The following RIMS3 variants were observed in gnomAD, a reference collection of about 807,000 sequenced individuals.
RIMS3 encodes the protein regulating synaptic membrane exocytosis 3.
In RIMS3, 15 loss-of-function variants were observed where a neutral mutation model predicts 29.2. The observed-to-expected ratio is 0.51, with a 90% CI of 0.34 to 0.79. The LOEUF (loss-of-function observed/expected upper bound fraction) is 0.79. Ranked by LOEUF, RIMS3 falls within the 30% of genes least tolerant of loss-of-function variation. The pLI, the probability that RIMS3 is intolerant of heterozygous loss-of-function variation, is 0.01. For missense variants in RIMS3, 342 were observed against 421.4 expected, an observed-to-expected ratio of 0.81 and a Z score of 1.65; for synonymous variants, 161 against 170.1, an observed-to-expected ratio of 0.95 and a Z score of 0.41.
chr1:40,643,497 G>A (rs1477084051), intron 2 of RIMS3, among the ~76,000 whole-genome samples: 1 of 116,962 alleles, frequency 8.5e-6, no homozygotes, highest in African/African-American at 3.5e-5. Flanking sequence ...TTTTTTTTGA[G>A]ATGGAGTCTT....
chr1:40,649,035 C>T (rs1646613538), intron 1 of RIMS3, among the ~76,000 whole-genome samples: 1 of 152,150 alleles, frequency 6.6e-6, no homozygotes, highest in African/African-American at 2.4e-5. Flanking sequence ...GAGAGGTGGG[C>T]GGGTGATGAG....
At position 40,634,099 on chromosome 1, in the gene RIMS3, TGGCCCTGCCAACCCTCAG is replaced by T. The variant is rs1646505793; in HGVS notation, c.360-936_360-919del. 2.0e-5 allele frequency among the ~76,000 whole-genome samples: 3 copies of T among 152,050 alleles called. No homozygotes were observed. In the South Asian group the frequency reaches 6.2e-4, roughly 32 times the overall value. On this transcript the variant is annotated intron_variant, in intron 4 of 7. Transcript: ENST00000372684. ...TGAGAAAGGACAGATGAGGGAGGGT[TGGCCCTGCCAACCCTCAG>T]GGGCTATGATAGAATAAAGTTCTAA...
rs201203340 is a variant in RIMS3 at position 40,627,129 on chromosome 1, G to GA, written c.715-401dup. ...AGCCTTCCCCAGGAAGGGGCAAACT[G>GA]AGAGTTCAGGACTTGGCCATAGCTC... On this transcript the variant is annotated intron_variant, in intron 7 of 7. Coordinates refer to ENST00000372684, the MANE Select transcript of RIMS3 (RefSeq NM_014747.3). 8.9e-3 allele frequency among the ~76,000 whole-genome samples: 1,361 copies of GA among 152,266 alleles called. 9 individuals are homozygous for GA. Among genetic ancestry groups the GA allele is most frequent in the Middle Eastern group, 0.027 (8 of 294 alleles).
rs186188589 is a variant in RIMS3, at chr1:40,636,319, C to T, written c.218-262G>A. On this transcript the variant is annotated intron_variant, in intron 3 of 7. Coordinates refer to ENST00000372684, the MANE Select transcript of RIMS3 (RefSeq NM_014747.3). This position sits in a 1 kb window ranked among gnomAD's most constrained non-coding sequence, Gnocchi z 4.2. ...AGGCAGAGTCATGATGGCGCCACCA[C>T]GCAGAGCCGCAGATCCGCAGCTGGG... 2.6e-3 allele frequency among the ~76,000 whole-genome samples: 394 copies of T among 152,312 alleles called. No homozygotes were observed. Among genetic ancestry groups the T allele is most frequent in the African/African-American group, 8.5e-3 (355 of 41,566 alleles).
upstream of RIMS3, among the ~76,000 whole-genome samples, chr1:40,667,628 G>A (rs1436696299): frequency 6.6e-6 from 1 of 152,214 alleles, no homozygotes; most frequent in Non-Finnish European, 1.5e-5. Context: ...TGATTCTTAA[G>A]TGTATATAGA....
chr1:40,643,167 C>T (rs776037248), intron 2 of RIMS3, among the ~76,000 whole-genome samples: 1 of 151,624 alleles, frequency 6.6e-6, no homozygotes. Flanking sequence ...TGAGATGGAG[C>T]CTCACTCTGT....
At chr1:40,685,750 C>CA in the RIMS3 span, among the ~76,000 whole-genome samples, 1 of 151,950 alleles carries the variant, frequency 6.6e-6, no homozygotes, top group Non-Finnish European at 1.5e-5. Context: ...ACAATTTCCT[C>CA]AGTCAGAGAT....
At chr1:40,627,140 A>T (rs1255734230) in intron 7 of RIMS3, among the ~76,000 whole-genome samples, 1 of 152,122 alleles carries the variant, frequency 6.6e-6, no homozygotes, top group Non-Finnish European at 1.5e-5. Flanking sequence ...AGAGTTCAGG[A>T]CTTGGCCATA....
intron 2 of RIMS3, among the ~76,000 whole-genome samples, chr1:40,647,245 C>T (rs1375929016): frequency 6.6e-6 from 1 of 152,124 alleles, no homozygotes; most frequent in African/African-American, 2.4e-5. Flanking sequence ...ACCCACCTTT[C>T]CAACAGTAAA....
At chr1:40,649,554 C>T (rs1478506428) in intron 1 of RIMS3, among the ~76,000 whole-genome samples, 1 of 152,224 alleles carries the variant, frequency 6.6e-6, no homozygotes, top group Non-Finnish European at 1.5e-5. Flanking sequence ...CACCTCTGAG[C>T]AGGTGTGTGC....
At chr1:40,657,474 C>T (rs1642288251) in intron 1 of RIMS3, among the ~76,000 whole-genome samples, 2 of 152,060 alleles carry the variant, frequency 1.3e-5, no homozygotes, top group Non-Finnish European at 1.5e-5. Context: ...GACTGGGTGT[C>T]GTGAATCACA....
At chr1:40,682,283 C>T in the RIMS3 span, among the ~76,000 whole-genome samples, 1 of 152,222 alleles carries the variant, frequency 6.6e-6, no homozygotes, top group Admixed American at 6.5e-5. Context: ...GTACCAGGCA[C>T]TTACCAGGGG....
intron 1 of RIMS3, among the ~76,000 whole-genome samples, chr1:40,664,384 T>C (rs1046708018): frequency 7.2e-5 from 11 of 152,042 alleles, no homozygotes; most frequent in Non-Finnish European, 1.5e-4. Context: ...CATTAACCCC[T>C]TGTTGACCAG....
intron 1 of RIMS3, among the ~76,000 whole-genome samples, chr1:40,652,896 C>A (rs557497940): frequency 6.6e-6 from 1 of 152,080 alleles, no homozygotes; most frequent in Non-Finnish European, 1.5e-5. Context: ...AAGTGAGGTG[C>A]GAAGAGGAAA....
At chr1:40,629,725 G>A (rs946247570) in intron 5 of RIMS3, among the ~76,000 whole-genome samples, 2 of 152,134 alleles carry the variant, frequency 1.3e-5, no homozygotes, top group Non-Finnish European at 2.9e-5. Context: ...CAGGAAGACA[G>A]GGGAGGCTGT....
the RIMS3 span, among the ~76,000 whole-genome samples, chr1:40,671,823 C>T: frequency 6.8e-5 from 10 of 146,440 alleles, no homozygotes; most frequent in South Asian, 2.1e-4. Context: ...AGTGCAGTGG[C>T]GTGATCTCAG....
In RIMS3 at chr1:40,626,285, G is replaced by A. The variant is rs1646452846; in HGVS notation, c.*232C>T. 1 of 591,254 alleles carries A rather than the reference G, an allele frequency of 1.7e-6. No homozygotes were observed. 36.6% of individuals were successfully genotyped at this position (591,254 alleles called of 1,614,324 possible). A position where few individuals can be genotyped will look rare whatever the true frequency, so the allele number is the denominator to read the frequency against. On this transcript the variant is annotated 3_prime_UTR_variant, in exon 8 of 8. Coordinates refer to ENST00000372684, the MANE Select transcript of RIMS3 (RefSeq NM_014747.3). The stretch of plus-strand genomic sequence containing the variant: ...TTCAGCCCATATCATCACCAGGAGT[G>A]ACTATACCCAGACAAATGAACAGAT...
rs906675043 is a variant in RIMS3, at chr1:40,665,604, C to CG, written c.-418dup. 6.6e-6 allele frequency: 1 copy of CG among 152,120 alleles called. No homozygotes were observed. Among genetic ancestry groups the CG allele is most frequent in the Non-Finnish European group, 1.5e-5 (1 of 67,996 alleles). The allele number at this position is 152,120 out of a possible 1,614,324, so 9.4% of individuals were successfully genotyped here. ...CTCACGGGGGCATCGCCCGCCACCA[C>CG]GGGGGCAGCTCCGCTCCGCCCGCCT... On this transcript the variant is annotated 5_prime_UTR_variant, in exon 1 of 8. Transcript: ENST00000372684.
At chr1:40,634,628 A>G (rs1646508350) in intron 4 of RIMS3, among the ~76,000 whole-genome samples, 1 of 151,988 alleles carries the variant, frequency 6.6e-6, no homozygotes, top group African/African-American at 2.4e-5. Context: ...AATACCCACA[A>G]CCCTCAGGGT....
Sources: allele counts gnomAD v4.1 joint callset (sites outside exome capture counted in the v4.1 genomes callset), GRCh38; gene constraint gnomAD v4.1.1; non-coding constraint Gnocchi (gnomAD v3.1); transcripts MANE v1.5; gene names NCBI Gene and HGNC (gene_info 2026-07-23, HGNC 2026-07-21).